Variants in GRM7 observed in about 807,000 individuals in gnomAD.
GRM7 encodes metabotropic glutamate receptor 7.
Under a neutral mutation model 84.5 loss-of-function variants are expected in GRM7, and 35 were observed. That is an observed-to-expected ratio of 0.41 (90% CI 0.32 to 0.55). The LOEUF is 0.55. Ranked by LOEUF, GRM7 falls within the 20% of genes least tolerant of loss-of-function variation. GRM7 has a pLI of 0.19. For missense variants in GRM7, 1,003 were observed against 1,194.6 expected, an observed-to-expected ratio of 0.84 and a Z score of 2.36; for synonymous variants, 487 against 455.1, an observed-to-expected ratio of 1.07 and a Z score of -0.89.
At chr3:7,671,353 C>G (rs1231927028) in intron 8 of GRM7, among the ~76,000 whole-genome samples, 2 of 152,086 alleles carry the variant, frequency 1.3e-5, no homozygotes, top group African/African-American at 4.8e-5. Context: ...TCTGATTACA[C>G]TATTTGGGAA....
chr3:6,927,466 A>AGAAAGAAAGAG (rs1559333296), intron 1 of GRM7, among the ~76,000 whole-genome samples: 1 of 41,674 alleles, frequency 2.4e-5, no homozygotes. Flanking sequence ...AGAGAGAGAG[A>AGAAAGAAAGAG]AAGAAAGAAA....
chr3:6,861,532 C>A lies in GRM7; in HGVS notation c.144C>A (p.Asp48Glu). 6.3e-7 allele frequency: 1 copy of A among 1,579,862 alleles called. No individual in the cohort carries two copies. The highest frequency in any genetic ancestry group is 8.6e-7 in the Non-Finnish European group (1 of 1,163,608). The stretch of plus-strand genomic sequence containing the variant: ...CGCACTCAATCCGGATCGAGGGGGA[C>A]GTCACCCTCGGGGGGCTGTTCCCCG... ...YAPHSIRIEG[D>E]VTLGGLFPVH... is the part of the protein sequence containing the mutation. The change falls in exon 1 of 10, where the codon GAC becomes GAA. Residue 48 changes from aspartate (D) to glutamate (E), a missense_variant. Asp to Glu is a conservative substitution (Grantham distance 45, BLOSUM62 2). Around this residue, in one of 2 missense-constraint regions of GRM7, gnomAD observed 93 missense variants for 68.6 expected, o/e 1.36. Transcript: ENST00000357716. The surrounding 1 kb of genome is among the most constrained non-coding windows in gnomAD (Gnocchi z 6.4).
Position 7,151,454 on chromosome 3 carries a change from C to G in GRM7, c.736+4786C>G, listed in dbSNP as rs540547373. Among the ~76,000 whole-genome samples the G allele has an allele frequency of 3.3e-5, 5 of 152,136 alleles. No individual in the cohort carries two copies. The South Asian group carries it at 1.0e-3, about 32-fold the overall frequency. ...ACAAACATACAAACAAAAACCAGAG[C>G]TAGATGGATTTTCCTACTATGGGAT... On this transcript the variant is annotated intron_variant, in intron 2 of 9. Transcript: ENST00000357716. This position sits in a 1 kb window ranked among gnomAD's most constrained non-coding sequence, Gnocchi z 4.5.
intron 9 of GRM7, chr3:7,691,378 T>C: frequency 1.6e-6 from 1 of 624,676 alleles, no homozygotes; most frequent in South Asian, 2.1e-5. Flanking sequence ...GCTATCTTTT[T>C]CTCTGGTCAA....
intron 1 of GRM7, among the ~76,000 whole-genome samples, chr3:7,055,458 A>G (rs1697182677): frequency 6.7e-6 from 1 of 150,006 alleles, no homozygotes; most frequent in Admixed American, 6.6e-5. Context: ...AACATTTTAT[A>G]TATAAATATT....
intron 1 of GRM7, among the ~76,000 whole-genome samples, chr3:7,037,900 G>T (rs1011527470): frequency 2.6e-5 from 4 of 152,036 alleles, no homozygotes; most frequent in Non-Finnish European, 1.5e-5. Flanking sequence ...AATAAACTGA[G>T]ATCTCATAAA....
chr3:7,396,057 G>GA (rs1209192522), intron 4 of GRM7, among the ~76,000 whole-genome samples: 1 of 151,788 alleles, frequency 6.6e-6, no homozygotes, highest in East Asian at 1.9e-4. Context: ...TTTTTAAATT[G>GA]AAAAAATTAA....
At position 7,416,629 on chromosome 3, in the gene GRM7, C is replaced by T. The variant is rs374478638; in HGVS notation, c.1174+1466C>T. 9.2e-4 allele frequency among the ~76,000 whole-genome samples: 140 copies of T among 152,020 alleles called. 5 individuals carry two copies. The South Asian group carries it at 0.027, about 29-fold the overall frequency. ...AACATATGACCAGAAACATGAATAA[C>T]AATAATGATATAAAATAAGTATGAT... On this transcript the variant is annotated intron_variant, in intron 5 of 9. Coordinates refer to ENST00000357716, the MANE Select transcript of GRM7 (RefSeq NM_000844.4).
chr3:7,016,426 C>A (rs1314593670), intron 1 of GRM7, among the ~76,000 whole-genome samples: 1 of 152,098 alleles, frequency 6.6e-6, no homozygotes, highest in Non-Finnish European at 1.5e-5. Context: ...GATGTAGCTG[C>A]GTGCAGGGGA....
chr3:7,547,411 T>G (rs938421435), intron 7 of GRM7, among the ~76,000 whole-genome samples: 31 of 151,974 alleles, frequency 2.0e-4, no homozygotes, highest in Non-Finnish European at 5.9e-5. Flanking sequence ...TTTCACTGTG[T>G]TAGCCAGGAT....
intron 7 of GRM7, among the ~76,000 whole-genome samples, chr3:7,508,652 C>G (rs764445394): frequency 6.6e-6 from 1 of 152,064 alleles, no homozygotes; most frequent in Non-Finnish European, 1.5e-5. Context: ...TTTGTTTTCA[C>G]TTTAGGGCAT....
chr3:7,404,844 T>C (rs1695606964), intron 4 of GRM7, among the ~76,000 whole-genome samples: 1 of 152,114 alleles, frequency 6.6e-6, no homozygotes, highest in Non-Finnish European at 1.5e-5. Flanking sequence ...AGACACTCTA[T>C]ATATAATCAA....
rs535751881 is a variant in GRM7 at position 7,290,034 on chromosome 3, AAAAAG to A, written c.737-8644_737-8640del. ...AAAAATAAAATAAAAATAAAAATAA[AAAAAG>A]AAAAGTTATCTTATTAGTATTTTAT... On this transcript the variant is annotated intron_variant, in intron 2 of 9. Transcript: ENST00000357716. Among the ~76,000 whole-genome samples, 200 of 152,098 alleles carry A rather than the reference AAAAAG, an allele frequency of 1.3e-3. 1 individual carries two copies. Among genetic ancestry groups the A allele is most frequent in the Admixed American group, 5.2e-3 (79 of 15,298 alleles).
chr3:7,582,033 T>G (rs1308920898), intron 8 of GRM7, among the ~76,000 whole-genome samples: 3 of 152,192 alleles, frequency 2.0e-5, no homozygotes, highest in Non-Finnish European at 4.4e-5. Context: ...AAGAGAATGA[T>G]TCTAGCTTCA....
rs57988405 is a variant in GRM7, at chr3:7,588,597, C to T, written c.2451+9240C>T. On this transcript the variant is annotated intron_variant, in intron 8 of 9. Transcript: ENST00000357716. ...TACATGATGGTGTTGGGGAAGATAA[C>T]GGGTCACAAATAGTCAATAGAGAGA... Among the ~76,000 whole-genome samples, 13 of 152,202 alleles carry T rather than the reference C, an allele frequency of 8.5e-5. No homozygotes were observed. In the South Asian group the frequency reaches 1.9e-3, roughly 22 times the overall value.
chr3:7,664,270 A>T (rs891682920), intron 8 of GRM7, among the ~76,000 whole-genome samples: 49 of 150,582 alleles, frequency 3.3e-4, no homozygotes, highest in African/African-American at 1.2e-3. Context: ...GCCACCCCTC[A>T]GGCTTCCACT....
chr3:7,190,904 A>G (rs1695690147), intron 2 of GRM7, among the ~76,000 whole-genome samples: 1 of 152,082 alleles, frequency 6.6e-6, no homozygotes, highest in African/African-American at 2.4e-5. Flanking sequence ...TCCAGCATCT[A>G]AAACCATTTC....
intron 1 of GRM7, among the ~76,000 whole-genome samples, chr3:6,912,843 A>G (rs1293087724): frequency 6.6e-6 from 1 of 152,184 alleles, no homozygotes; most frequent in Admixed American, 6.5e-5. Context: ...TTATGTCAAA[A>G]TAGGTTGTTA....
At chr3:7,090,477 AC>A (rs1698622360) in intron 1 of GRM7, among the ~76,000 whole-genome samples, 1 of 152,176 alleles carries the variant, frequency 6.6e-6, no homozygotes, top group Non-Finnish European at 1.5e-5. Context: ...ATATTCCCAC[AC>A]AGTGATGCCA....
Sources: gnomAD v4.1 joint callset for allele counts (sites outside exome capture counted in the v4.1 genomes callset) on GRCh38, gnomAD v4.1.1 for gene constraint, gnomAD v4.1.1 regional missense constraint, Gnocchi (gnomAD v3.1) non-coding constraint, MANE v1.5 for transcripts, NCBI Gene and HGNC (gene_info 2026-07-23, HGNC 2026-07-21) for gene names.